The following NLGN1 variants were observed in gnomAD, a reference collection of about 807,000 sequenced individuals.
The protein encoded by NLGN1 is neuroligin-1.
Under a neutral mutation model 65.5 loss-of-function variants are expected in NLGN1, and 12 were observed. The observed-to-expected ratio is 0.18, with a 90% CI of 0.12 to 0.30. The LOEUF (loss-of-function observed/expected upper bound fraction) is 0.30. NLGN1 is among the 10% of genes least tolerant of loss of function. The pLI, the probability that NLGN1 is intolerant of heterozygous loss-of-function variation, is 1.00. For missense variants in NLGN1, 750 were observed against 1,007.1 expected (o/e 0.74, Z 3.46); for synonymous variants, 350 against 359.5 (o/e 0.97, Z 0.30).
chr3:173,496,128 C>T (rs1729988250), intron 2 of NLGN1, among the ~76,000 whole-genome samples: 1 of 151,596 alleles, frequency 6.6e-6, no homozygotes, highest in Admixed American at 6.6e-5. Flanking sequence ...TATGTTTCTC[C>T]TTAACAAGAT....
intron 4 of NLGN1, among the ~76,000 whole-genome samples, chr3:174,039,108 A>T (rs1373490662): frequency 6.6e-6 from 1 of 151,784 alleles, no homozygotes; most frequent in Non-Finnish European, 1.5e-5. Flanking sequence ...ATAGCGTGAG[A>T]CTCCTCGGGC....
chr3:174,206,967 C>T (rs1735534859), intron 4 of NLGN1, among the ~76,000 whole-genome samples: 1 of 152,016 alleles, frequency 6.6e-6, no homozygotes, highest in Admixed American at 6.6e-5. Context: ...GCCTTATTCC[C>T]CCTGGACTGG....
chr3:173,756,950 G>A (rs1386296280), intron 3 of NLGN1, among the ~76,000 whole-genome samples: 1 of 151,874 alleles, frequency 6.6e-6, no homozygotes, highest in African/African-American at 2.4e-5. Flanking sequence ...ATGATACTAA[G>A]ACAGAGAAAG....
intron 2 of NLGN1, among the ~76,000 whole-genome samples, chr3:173,595,734 G>A (rs571087318): frequency 6.6e-6 from 1 of 152,332 alleles, no homozygotes; most frequent in African/African-American, 2.4e-5. Flanking sequence ...GTTCCACACT[G>A]CTGGGGAGGC....
chr3:173,620,653 A>G lies in NLGN1; in HGVS notation c.493+15562A>G, dbSNP rs571359749. Among the ~76,000 whole-genome samples the G allele has an allele frequency of 9.2e-5, 14 of 152,296 alleles. No individual in the cohort carries two copies. The East Asian group carries it at 2.5e-3, about 27-fold the overall frequency. ...AGATAAAAGGTAAGTTCTTGAAAAT[A>G]AAGACATCTATATGAATTTATTTTA... On this transcript the variant is annotated intron_variant, in intron 3 of 6. Coordinates refer to ENST00000457714, the Ensembl canonical transcript of NLGN1.
chr3:173,717,016 A>G (rs979278527), intron 3 of NLGN1, among the ~76,000 whole-genome samples: 1 of 152,154 alleles, frequency 6.6e-6, no homozygotes, highest in Non-Finnish European at 1.5e-5. Flanking sequence ...CAGTCATTAC[A>G]AGTTACTTTT....
intron 4 of NLGN1, among the ~76,000 whole-genome samples, chr3:173,879,443 AT>A (rs1412885951): frequency 6.6e-6 from 1 of 152,128 alleles, no homozygotes; most frequent in Non-Finnish European, 1.5e-5. Context: ...TAAAAGATTC[AT>A]TTTTAAAATA....
chr3:173,900,662 A>G (rs912811189), intron 4 of NLGN1, among the ~76,000 whole-genome samples: 8 of 152,060 alleles, frequency 5.3e-5, no homozygotes, highest in African/African-American at 1.9e-4. Flanking sequence ...TTATCTATTC[A>G]AAAATCAAAT....
At chr3:174,111,546 G>T (rs1715216848) in intron 4 of NLGN1, among the ~76,000 whole-genome samples, 1 of 151,824 alleles carries the variant, frequency 6.6e-6, no homozygotes, top group African/African-American at 2.4e-5. Context: ...ATTTTAAAAT[G>T]ATCATAGGCT....
rs1277030746 is a variant in NLGN1, at chr3:173,584,240, G to GA, written c.-320-20036dup. 3.4e-3 allele frequency among the ~76,000 whole-genome samples: 349 copies of GA among 103,402 alleles called. 3 individuals carry two copies. The highest frequency in any genetic ancestry group is 0.012 in the African/African-American group (294 of 23,868). The allele number at this position is 103,402 out of a possible 152,430, so 67.8% of individuals were successfully genotyped here. A position where few individuals can be genotyped will look rare whatever the true frequency, so the allele number is the denominator to read the frequency against. On this transcript the variant is annotated intron_variant, in intron 2 of 6. Coordinates refer to ENST00000457714, the Ensembl canonical transcript of NLGN1. ...CAGTAGCCAGTTATCTAAAGGGGCAGAAAGAAAAAAAAAAAAAAAGGTGAG... is the reference window on the plus strand; with the variant it reads ...CAGTAGCCAGTTATCTAAAGGGGCAGAAAAGAAAAAAAAAAAAAAAGGTGAG...
chr3:174,107,098 A>C (rs1044188971), intron 4 of NLGN1, among the ~76,000 whole-genome samples: 2 of 151,358 alleles, frequency 1.3e-5, no homozygotes, highest in African/African-American at 4.9e-5. Flanking sequence ...TTCAGTTGTC[A>C]CATAAAGTTA....
At chr3:173,882,660 G>C (rs756356502) in intron 4 of NLGN1, among the ~76,000 whole-genome samples, 27 of 152,220 alleles carry the variant, frequency 1.8e-4, no homozygotes, top group Non-Finnish European at 3.4e-4. Context: ...GAATTGAAGA[G>C]AGTTAAGGGC....
chr3:173,788,258 G>A (rs1008176830), intron 3 of NLGN1, among the ~76,000 whole-genome samples: 1 of 148,810 alleles, frequency 6.7e-6, no homozygotes, highest in Non-Finnish European at 1.5e-5. Flanking sequence ...TTACTTGCTG[G>A]TAATCAATTT....
At chr3:174,111,946 A>G (rs1715320059) in intron 4 of NLGN1, among the ~76,000 whole-genome samples, 2 of 151,964 alleles carry the variant, frequency 1.3e-5, no homozygotes, top group Admixed American at 1.3e-4. Context: ...TGGATGTACC[A>G]GTGGAAGTAG....
At chr3:174,040,572 G>A (rs1732063979) in intron 4 of NLGN1, among the ~76,000 whole-genome samples, 1 of 151,822 alleles carries the variant, frequency 6.6e-6, no homozygotes, top group Non-Finnish European at 1.5e-5. Context: ...CTCATTAGAG[G>A]ACACTACTGA....
chr3:173,925,507 A>G (rs1391876847), intron 4 of NLGN1, among the ~76,000 whole-genome samples: 4 of 152,180 alleles, frequency 2.6e-5, no homozygotes, highest in Non-Finnish European at 5.9e-5. Flanking sequence ...AACAATTACT[A>G]TTGCCCAGAT....
At chr3:173,398,606 T>C (rs1339817276) in intron 1 of NLGN1, 1 of 152,328 alleles carries the variant, frequency 6.6e-6, no homozygotes, top group Non-Finnish European at 1.5e-5. Flanking sequence ...ATATTACATG[T>C]CCAATATTTG....
At chr3:173,538,873 G>GT (rs34863294) in intron 2 of NLGN1, among the ~76,000 whole-genome samples, 26,944 of 146,070 alleles carry the variant, frequency 0.18, 3,979 homozygotes, top group African/African-American at 0.41. Flanking sequence ...TATCTTCATG[G>GT]TTTTTTTTTT....
intron 4 of NLGN1, among the ~76,000 whole-genome samples, chr3:174,071,912 A>T (rs1739970810): frequency 6.6e-6 from 1 of 152,166 alleles, no homozygotes; most frequent in South Asian, 2.1e-4. Flanking sequence ...ATGTCCAAGT[A>T]AGATCTAGTC....
Sources: allele counts gnomAD v4.1 joint callset (sites outside exome capture counted in the v4.1 genomes callset), GRCh38; gene constraint gnomAD v4.1.1; transcripts MANE v1.5; gene names NCBI Gene and HGNC (gene_info 2026-07-23, HGNC 2026-07-21).